FCN1: variants seen among roughly 807,000 people sequenced by gnomAD.
The protein encoded by FCN1 is ficolin-1.
Under a neutral mutation model 35.6 loss-of-function variants are expected in FCN1, and 42 were observed. The observed-to-expected ratio is 1.18, with a 90% CI of 0.92 to 1.53. The LOEUF (loss-of-function observed/expected upper bound fraction) is 1.53. Ranked by LOEUF, FCN1 falls within the 40% of genes most tolerant of loss-of-function variation. The pLI is 0.00. For synonymous variants in FCN1, 179 were observed against 169.8 expected (o/e 1.05, Z -0.42); for missense variants, 439 against 428.4 (o/e 1.02, Z -0.22).
chr9:134,910,540 C>G (rs752808581), intron 8 of FCN1, among the ~76,000 whole-genome samples: 1 of 152,192 alleles, frequency 6.6e-6, no homozygotes, highest in Non-Finnish European at 1.5e-5. Context: ...GTGACCTTCC[C>G]TGCCCTGCTG....
intron 2 of FCN1, 110 bp from the exon 3 acceptor site, chr9:134,914,919 C>T: frequency 1.3e-6 from 1 of 788,526 alleles, no homozygotes. Context: ...CTGCCTTGAA[C>T]CCCTTCTGGT....
intron 8 of FCN1, among the ~76,000 whole-genome samples, chr9:134,910,452 G>A (rs1380170955): frequency 6.6e-6 from 1 of 152,156 alleles, no homozygotes; most frequent in Non-Finnish European, 1.5e-5. Flanking sequence ...CAAGCCCTGA[G>A]CCGGAAGCTC....
At chr9:134,912,441 G>A (rs1447159628) in intron 7 of FCN1, 45 bp downstream of exon 7, 1 of 1,588,026 alleles carries the variant, frequency 6.3e-7, no homozygotes, top group Non-Finnish European at 8.6e-7. Flanking sequence ...AGGGGCAGGA[G>A]CACCTCAGGG....
rs992928698 is a variant in FCN1 at position 134,909,038 on chromosome 9, C to T, written c.*760G>A. The T allele has an allele frequency of 2.6e-6, 1 of 383,500 alleles. No homozygotes were observed. Among genetic ancestry groups the T allele is most frequent in the Admixed American group, 3.8e-5 (1 of 26,200 alleles). 23.8% of individuals were successfully genotyped at this position (383,500 alleles called of 1,614,324 possible). ...CCCCTGGCCTGGGAGCTGGAGAAGC[C>T]CCTTCTCCATCATCTCCTAGAAGCC... On this transcript the variant is annotated 3_prime_UTR_variant, in exon 9 of 9. Coordinates refer to ENST00000371806, the MANE Select transcript of FCN1 (RefSeq NM_002003.5).
chr9:134,905,615 C>T lies in FCN1; in HGVS notation c.*4183G>A, dbSNP rs1349389109. On this transcript the variant is annotated 3_prime_UTR_variant, in exon 9 of 9. Transcript: ENST00000371806. ...TCTCCTGCCTCAGCTTCTCGAGTAG[C>T]TGGGACGATAGGCATCCCCCACCAT... is the stretch of plus-strand genomic sequence containing the variant. Among the ~76,000 whole-genome samples the T allele has an allele frequency of 6.6e-6, 1 of 151,810 alleles. No individual in the cohort carries two copies. Among genetic ancestry groups the T allele is most frequent in the East Asian group, 1.9e-4 (1 of 5,162 alleles).
Position 134,904,850 on chromosome 9 carries a change from A to G in FCN1, c.*4948T>C, listed in dbSNP as rs1830921716. Among the ~76,000 whole-genome samples the G allele has an allele frequency of 6.6e-6, 1 of 152,084 alleles. No individual in the cohort carries two copies. The highest frequency in any genetic ancestry group is 1.5e-5 in the Non-Finnish European group (1 of 68,010). ...AGCAAGAAGATGATCTCACACCAAA[A>G]ATAATAATAATAATAAAATAGAAGA... On this transcript the variant is annotated 3_prime_UTR_variant, in exon 9 of 9. Coordinates refer to ENST00000371806, the MANE Select transcript of FCN1 (RefSeq NM_002003.5).
intron 8 of FCN1, 26 bp from the exon 9 acceptor site, chr9:134,910,071 C>T: frequency 6.2e-7 from 1 of 1,608,978 alleles, no homozygotes; most frequent in Non-Finnish European, 8.5e-7. Flanking sequence ...GTGGGGTTTG[C>T]AGATGCTGGA....
rs1332025745 is a variant in FCN1 at position 134,916,320 on chromosome 9, C to G, written c.217+28G>C. ...GCAAGAGCCAGTGCCCCTGCCATGC[C>G]TGGCCTCCCCACCCGGCCCGCACCT... On this transcript the variant is annotated intron_variant, in intron 2 of 8. Coordinates refer to ENST00000371806, the MANE Select transcript of FCN1 (RefSeq NM_002003.5). 2.6e-6 allele frequency: 4 copies of G among 1,555,538 alleles called. No homozygotes were observed. In the African/African-American group the frequency reaches 5.4e-5, roughly 21 times the overall value.
At chr9:134,916,562 G>A in intron 1 of FCN1, 101 bp from the exon 2 acceptor site, 1 of 1,193,062 alleles carries the variant, frequency 8.4e-7, no homozygotes, top group Non-Finnish European at 1.2e-6. Flanking sequence ...TCACCCCTCA[G>A]GCACTGGTGA....
intron 4 of FCN1, 81 bp downstream of exon 4, chr9:134,914,304 G>C (rs893116355): frequency 8.1e-7 from 1 of 1,240,640 alleles, no homozygotes; most frequent in African/African-American, 1.5e-5. Context: ...GTGGGCGGTG[G>C]GCAGGCGGAC....
At chr9:134,914,020 G>T (rs538334643) in intron 4 of FCN1, among the ~76,000 whole-genome samples, 1 of 152,310 alleles carries the variant, frequency 6.6e-6, no homozygotes, top group East Asian at 1.9e-4. Flanking sequence ...CCCCGGCTCC[G>T]GTTTTCATTT....
intron 2 of FCN1, 124 bp from the exon 3 acceptor site, chr9:134,914,933 A>G: frequency 1.4e-6 from 1 of 706,670 alleles, no homozygotes; most frequent in Non-Finnish European, 2.5e-6. Context: ...TTCTGGTTCC[A>G]GGAGCTCTCA....
At position 134,907,080 on chromosome 9, in the gene FCN1, A is replaced by C. The variant is rs551590069; in HGVS notation, c.*2718T>G. ...GAGTAAAACTCTGTCTCAAAAAACA[A>C]ACTAAAAGGCATATTTCTATGGCTA... On this transcript the variant is annotated 3_prime_UTR_variant, in exon 9 of 9. Coordinates refer to ENST00000371806, the MANE Select transcript of FCN1 (RefSeq NM_002003.5). The C allele has an allele frequency of 4.6e-5, 7 of 152,312 alleles. No individual in the cohort carries two copies. The highest frequency in any genetic ancestry group is 1.7e-4 in the African/African-American group (7 of 41,568). The allele number at this position is 152,312 out of a possible 1,614,324, so 9.4% of individuals were successfully genotyped here.
rs1399111361 is a variant in FCN1, at chr9:134,907,550, T to G, written c.*2248A>C. ...GAGCATTGCCAGAACCCCAGAGGCTTGTCCCTGTCCCTTCCCAGTCACCAT... is the reference window on the plus strand; with the variant it reads ...GAGCATTGCCAGAACCCCAGAGGCTGGTCCCTGTCCCTTCCCAGTCACCAT... On this transcript the variant is annotated 3_prime_UTR_variant, in exon 9 of 9. Coordinates refer to ENST00000371806, the MANE Select transcript of FCN1 (RefSeq NM_002003.5). 1 of 152,258 alleles carries G rather than the reference T, an allele frequency of 6.6e-6. No individual in the cohort carries two copies. The highest frequency in any genetic ancestry group is 1.5e-5 in the Non-Finnish European group (1 of 68,044). 9.4% of individuals were successfully genotyped at this position (152,258 alleles called of 1,614,324 possible).
At chr9:134,916,824 T>G (rs914136906) in intron 1 of FCN1, among the ~76,000 whole-genome samples, 6 of 152,242 alleles carry the variant, frequency 3.9e-5, no homozygotes, top group Admixed American at 3.9e-4. Context: ...TTTCAATAAC[T>G]AATGACAATC....
chr9:134,912,046 C>T (rs1436360419), intron 7 of FCN1, among the ~76,000 whole-genome samples: 1 of 152,226 alleles, frequency 6.6e-6, no homozygotes, highest in East Asian at 1.9e-4. Flanking sequence ...ATCCCCTGCC[C>T]CAGAGGGTTG....
At chr9:134,914,623 CTT>C (rs1174354846) in intron 3 of FCN1, 131 bp downstream of exon 3, 7 of 905,588 alleles carry the variant, frequency 7.7e-6, no homozygotes, top group Non-Finnish European at 1.2e-5. Flanking sequence ...CTGCCACTGT[CTT>C]TCTCTCTCTG....
In FCN1 at chr9:134,913,603, C is replaced by T; in HGVS notation, c.318G>A (p.Gly106=). 1 of 1,606,502 alleles carries T rather than the reference C, an allele frequency of 6.2e-7. No homozygotes were observed. The highest frequency in any genetic ancestry group is 8.5e-7 in the Non-Finnish European group (1 of 1,175,618). Residue 106 remains glycine (G), a synonymous_variant, in exon 5 of 9, where the codon GGG becomes GGA. Coordinates refer to ENST00000371806, the MANE Select transcript of FCN1 (RefSeq NM_002003.5). ...CACCTGTCGCACACGACTGAGACTG[C>T]CCAGCGTCTCCTGTGTGGGGAGAGG... ...KGMRGEKGDA[G]QSQSCATGPR...
intron 5 of FCN1, among the ~76,000 whole-genome samples, chr9:134,913,370 T>C (rs1831050861): frequency 1.3e-5 from 2 of 152,204 alleles, no homozygotes; most frequent in Non-Finnish European, 1.5e-5. Flanking sequence ...CTTTGCCTCC[T>C]GGGCACCCGG....
Sources: allele counts gnomAD v4.1 joint callset (sites outside exome capture counted in the v4.1 genomes callset), GRCh38; gene constraint gnomAD v4.1.1; transcripts MANE v1.5; gene names NCBI Gene and HGNC (gene_info 2026-07-23, HGNC 2026-07-21).